Variants in MEIS1 observed in about 807,000 individuals in gnomAD.
The protein encoded by MEIS1 is Meis homeobox 1, also known as homeobox protein Meis1.
Under a neutral mutation model 50.8 loss-of-function variants are expected in MEIS1, and 5 were observed. The observed-to-expected ratio is 0.10, with a 90% CI of 0.05 to 0.21. MEIS1 has a LOEUF of 0.21. Ranked by LOEUF, MEIS1 falls within the 10% of genes least tolerant of loss-of-function variation. The pLI, the probability that MEIS1 is intolerant of heterozygous loss-of-function variation, is 1.00. For synonymous variants in MEIS1, 176 were observed against 179.3 expected (o/e 0.98, Z 0.15); for missense variants, 318 against 517.3 (o/e 0.61, Z 3.74).
chr2:66,444,664 G>A (rs935654577), intron 6 of MEIS1, among the ~76,000 whole-genome samples: 5 of 152,212 alleles, frequency 3.3e-5, no homozygotes, highest in Admixed American at 6.5e-5. Flanking sequence ...TGGCCCCCGC[G>A]GGCGGCCCGG....
chr2:66,446,124 G>A (rs1219992912), intron 6 of MEIS1, among the ~76,000 whole-genome samples: 2 of 152,156 alleles, frequency 1.3e-5, no homozygotes, highest in African/African-American at 4.8e-5. Flanking sequence ...GAGGGAGAGG[G>A]GGGCCATGAT....
chr2:66,458,814 T>G (rs567749203), intron 6 of MEIS1, among the ~76,000 whole-genome samples: 72 of 152,334 alleles, frequency 4.7e-4, no homozygotes, highest in Admixed American at 3.4e-3. Context: ...TGTACTACTC[T>G]TTTTTAGATA....
At chr2:66,458,802 A>G in intron 6 of MEIS1, among the ~76,000 whole-genome samples, 1 of 152,230 alleles carries the variant, frequency 6.6e-6, no homozygotes, top group Non-Finnish European at 1.5e-5. Flanking sequence ...GTATATTTAA[A>G]TTGTACTACT....
intron 8 of MEIS1, among the ~76,000 whole-genome samples, chr2:66,540,101 A>ACC (rs1674615290): frequency 6.6e-6 from 1 of 152,116 alleles, no homozygotes; most frequent in Non-Finnish European, 1.5e-5. Context: ...GACCTGGCCA[A>ACC]CCCTCAGCTT....
rs1162381063 is a variant in MEIS1 at position 66,520,330 on chromosome 2, A to T, written c.888+8036A>T. 6.6e-5 allele frequency among the ~76,000 whole-genome samples: 8 copies of T among 121,814 alleles called. No individual in the cohort carries two copies. The South Asian group carries it at 2.5e-3, about 38-fold the overall frequency. 79.9% of individuals were successfully genotyped at this position (121,814 alleles called of 152,430 possible). A position where few individuals can be genotyped will look rare whatever the true frequency, so the allele number is the denominator to read the frequency against. On this transcript the variant is annotated intron_variant, in intron 8 of 12. Coordinates refer to ENST00000272369, the MANE Select transcript of MEIS1 (RefSeq NM_002398.3). The stretch of plus-strand genomic sequence containing the variant: ...TCTACTAAAAATAAAAAAAAAAAAA[A>T]ATTAGCCGGGCTTGGTGGTAGGCAC...
chr2:66,501,652 GA>G (rs1264761768), intron 7 of MEIS1, among the ~76,000 whole-genome samples: 1,803 of 138,844 alleles, frequency 0.013, 30 homozygotes, highest in African/African-American at 0.042. Flanking sequence ...AAATGATTCA[GA>G]AAAAAAAAAA....
chr2:66,526,889 G>A (rs1165878673), intron 8 of MEIS1, among the ~76,000 whole-genome samples: 2 of 152,154 alleles, frequency 1.3e-5, no homozygotes, highest in African/African-American at 4.8e-5. Flanking sequence ...ATTGAGCCCT[G>A]TGAGTCTCAG....
Position 66,572,988 on chromosome 2 carries a change from G to T in MEIS1, c.*1780G>T, listed in dbSNP as rs1675512417. 3 of 152,082 alleles carry T rather than the reference G, an allele frequency of 2.0e-5. No homozygotes were observed. In the South Asian group the frequency reaches 6.2e-4, roughly 32 times the overall value. The allele number at this position is 152,082 out of a possible 1,614,324, so 9.4% of individuals were successfully genotyped here. Reference sequence around the variant, plus strand: ...AGGCACTAAACTAACTCTAGACTCAGAATTACATCCAACAGAATTACTCAT... The same window carrying T: ...AGGCACTAAACTAACTCTAGACTCATAATTACATCCAACAGAATTACTCAT... On this transcript the variant is annotated 3_prime_UTR_variant, in exon 13 of 13. Transcript: ENST00000272369.
chr2:66,448,473 C>T (rs907888627), intron 6 of MEIS1, among the ~76,000 whole-genome samples: 1 of 152,154 alleles, frequency 6.6e-6, no homozygotes, highest in African/African-American at 2.4e-5. Flanking sequence ...AACTAGCTTA[C>T]CTTCCCTAGC....
intron 8 of MEIS1, among the ~76,000 whole-genome samples, chr2:66,539,830 C>G (rs1674608735): frequency 6.6e-6 from 1 of 152,190 alleles, no homozygotes; most frequent in African/African-American, 2.4e-5. Context: ...CAGCCCCCTC[C>G]CCTCCCCTTC....
At chr2:66,514,529 CCTGGAAGGGGAA>C (rs1673914616) in intron 8 of MEIS1, among the ~76,000 whole-genome samples, 1 of 152,118 alleles carries the variant, frequency 6.6e-6, no homozygotes. Context: ...GTGCCACTGC[CCTGGAAGGGGAA>C]GCCCATTCAT....
At chr2:66,508,315 GTC>G (rs764122143) in intron 7 of MEIS1, among the ~76,000 whole-genome samples, 4 of 152,214 alleles carry the variant, frequency 2.6e-5, no homozygotes, top group African/African-American at 4.8e-5. Flanking sequence ...GCACCTTTGA[GTC>G]CAGCATCCAA....
chr2:66,538,928 A>G (rs1054390702), intron 8 of MEIS1, among the ~76,000 whole-genome samples: 14 of 152,132 alleles, frequency 9.2e-5, no homozygotes, highest in African/African-American at 2.4e-4. Context: ...CACTCTGTCA[A>G]CCAGGCTGGA....
chr2:66,507,838 CG>C (rs1276508109), intron 7 of MEIS1, among the ~76,000 whole-genome samples: 1 of 152,170 alleles, frequency 6.6e-6, no homozygotes, highest in Admixed American at 6.5e-5. Flanking sequence ...ATAGGCGACT[CG>C]GGATGTTTGA....
chr2:66,516,525 CTTCT>C (rs942917499), intron 8 of MEIS1, among the ~76,000 whole-genome samples: 4 of 151,708 alleles, frequency 2.6e-5, no homozygotes, highest in African/African-American at 7.3e-5. Context: ...CATTTTCTTT[CTTCT>C]TTCTTTCTTT....
chr2:66,532,763 T>C (rs1018408172), intron 8 of MEIS1, among the ~76,000 whole-genome samples: 8 of 152,226 alleles, frequency 5.3e-5, no homozygotes, highest in African/African-American at 1.9e-4. Flanking sequence ...TTTTAAAAAT[T>C]GGTGTTGCCA....
At chr2:66,501,514 T>G (rs965333669) in intron 7 of MEIS1, among the ~76,000 whole-genome samples, 1 of 151,978 alleles carries the variant, frequency 6.6e-6, no homozygotes. Flanking sequence ...TTCTTTCCTA[T>G]TCATCATTGC....
chr2:66,502,139 TCTTA>T (rs1364362971), intron 7 of MEIS1, among the ~76,000 whole-genome samples: 1 of 152,238 alleles, frequency 6.6e-6, no homozygotes, highest in Non-Finnish European at 1.5e-5. Flanking sequence ...AGCCTAGATC[TCTTA>T]CTTGTATCTC....
chr2:66,543,026 T>C (rs1297786096), intron 8 of MEIS1, among the ~76,000 whole-genome samples: 1 of 152,198 alleles, frequency 6.6e-6, no homozygotes, highest in South Asian at 2.1e-4. Flanking sequence ...ATTGTAAACT[T>C]GTAAATACCA....
Sources: gnomAD v4.1 joint callset for allele counts (sites outside exome capture counted in the v4.1 genomes callset) on GRCh38, gnomAD v4.1.1 for gene constraint, MANE v1.5 for transcripts, NCBI Gene and HGNC (gene_info 2026-07-23, HGNC 2026-07-21) for gene names.